Variants in ITGA9 observed in about 807,000 individuals in gnomAD.
ITGA9 encodes the protein integrin subunit alpha 9, also known as integrin alpha-9.
A neutral mutation model predicts 127.8 loss-of-function variants in ITGA9; 56 were observed. That is an observed-to-expected ratio of 0.44 (90% CI 0.35 to 0.55). ITGA9 has a LOEUF of 0.55. Among genes scored for constraint, ITGA9 ranks in the 20% least tolerant of loss-of-function variants. The pLI, the probability that ITGA9 is intolerant of heterozygous loss-of-function variation, is 0.00. For missense variants in ITGA9, 1,196 were observed against 1,347.1 expected, an observed-to-expected ratio of 0.89 and a Z score of 1.76; for synonymous variants, 508 against 514.5, an observed-to-expected ratio of 0.99 and a Z score of 0.17.
At chr3:37,747,526 C>T (rs1392196207) in intron 22 of ITGA9, among the ~76,000 whole-genome samples, 1 of 139,168 alleles carries the variant, frequency 7.2e-6, no homozygotes, top group East Asian at 2.1e-4. Context: ...ATCCCCACCA[C>T]CCCCCGCCAC....
intron 16 of ITGA9, among the ~76,000 whole-genome samples, chr3:37,634,663 G>T (rs1700260799): frequency 6.6e-6 from 1 of 152,134 alleles, no homozygotes; most frequent in Admixed American, 6.6e-5. Flanking sequence ...GGGAATTTCA[G>T]TACCCCACTT....
At chr3:37,734,964 C>G (rs958923330) in intron 19 of ITGA9, among the ~76,000 whole-genome samples, 2 of 152,174 alleles carry the variant, frequency 1.3e-5, no homozygotes, top group Admixed American at 1.3e-4. Context: ...TGGAGAAAGC[C>G]CAACAAGTCA....
chr3:37,709,419 G>A (rs1431201392), intron 18 of ITGA9, among the ~76,000 whole-genome samples: 1 of 152,190 alleles, frequency 6.6e-6, no homozygotes, highest in African/African-American at 2.4e-5. Flanking sequence ...GGCCAACCCT[G>A]AACCTTGGAA....
chr3:37,746,172 GT>G (rs1368545226), intron 22 of ITGA9, among the ~76,000 whole-genome samples: 1 of 152,302 alleles, frequency 6.6e-6, no homozygotes, highest in East Asian at 1.9e-4. Context: ...CGGAGAAAAT[GT>G]TTCTATATTT....
Position 37,596,728 on chromosome 3 carries a change from G to A in ITGA9, c.1690-32459G>A, listed in dbSNP as rs561913235. 2.2e-4 allele frequency among the ~76,000 whole-genome samples: 33 copies of A among 152,286 alleles called. No homozygotes were observed. In the South Asian group the frequency reaches 5.2e-3, roughly 24 times the overall value. On this transcript the variant is annotated intron_variant, in intron 15 of 27. Transcript: ENST00000264741. ...AAAACACAAGGGGTCTGGGGCCAGC[G>A]GAGGAGACCTTGTTCCCTCTTGGGA...
Position 37,750,557 on chromosome 3 carries a change from C to T in ITGA9, c.2529C>T (p.Val843=). Residue 843 remains valine (V), a synonymous_variant, in exon 23 of 28, where the codon GTC becomes GTT. Transcript: ENST00000264741. Reference sequence around the variant, plus strand: ...CTGGTGGTGCAGAGATGTTTCATGTCCAGGAAATGGTGGTGAGTTCTCCAT... The same window carrying T: ...CTGGTGGTGCAGAGATGTTTCATGTTCAGGAAATGGTGGTGAGTTCTCCAT... ...LSSGGAEMFH[V]QEMVVGQEKG... 6.2e-7 allele frequency: 1 copy of T among 1,607,082 alleles called. No individual in the cohort carries two copies. Among genetic ancestry groups the T allele is most frequent in the South Asian group, 1.1e-5 (1 of 90,924 alleles).
intron 22 of ITGA9, among the ~76,000 whole-genome samples, chr3:37,746,228 C>T (rs1427355968): frequency 2.0e-5 from 3 of 152,168 alleles, no homozygotes; most frequent in African/African-American, 7.2e-5. Flanking sequence ...ATAAGACTTT[C>T]CATATGAACA....
chr3:37,471,789 C>T (rs1283248691), intron 2 of ITGA9, among the ~76,000 whole-genome samples: 2 of 152,196 alleles, frequency 1.3e-5, no homozygotes, highest in Non-Finnish European at 2.9e-5. Flanking sequence ...CATGGTGGCT[C>T]ATGACTGTAA....
At chr3:37,673,048 A>G (rs1700652092) in intron 17 of ITGA9, among the ~76,000 whole-genome samples, 1 of 152,190 alleles carries the variant, frequency 6.6e-6, no homozygotes. Flanking sequence ...TTCATATTCT[A>G]AATAATTCCA....
At chr3:37,552,420 C>G (rs1699386972) in intron 15 of ITGA9, among the ~76,000 whole-genome samples, 1 of 151,844 alleles carries the variant, frequency 6.6e-6, no homozygotes, top group African/African-American at 2.4e-5. Context: ...TTATTCATGC[C>G]TATATTGTTA....
chr3:37,544,874 T>C (rs772829808), intron 15 of ITGA9, among the ~76,000 whole-genome samples: 1 of 152,224 alleles, frequency 6.6e-6, no homozygotes, highest in Non-Finnish European at 1.5e-5. Flanking sequence ...TGGCTGATAC[T>C]TTATAGCCAT....
chr3:37,482,145 A>G (rs391224), intron 4 of ITGA9, among the ~76,000 whole-genome samples: 98,318 of 152,056 alleles, frequency 0.65, 31,905 homozygotes, highest in Middle Eastern at 0.73. Context: ...TCATAAAGCA[A>G]CAGCTGGACA....
chr3:37,498,728 C>T (rs1368669779), intron 5 of ITGA9, among the ~76,000 whole-genome samples: 6 of 152,166 alleles, frequency 3.9e-5, no homozygotes. Flanking sequence ...GCCACTCTGT[C>T]CTCTGACCCC....
At chr3:37,818,822 T>G (rs1697474285) in intron 27 of ITGA9, 69 bp from the exon 28 acceptor site, 1 of 1,176,654 alleles carries the variant, frequency 8.5e-7, no homozygotes, top group Middle Eastern at 2.6e-4. Flanking sequence ...AGGGACAGAC[T>G]GCCTTGGGGT....
intron 27 of ITGA9, among the ~76,000 whole-genome samples, chr3:37,817,988 G>C (rs1575253292): frequency 6.6e-6 from 1 of 152,178 alleles, no homozygotes; most frequent in East Asian, 1.9e-4. Context: ...CAGCAAGGTA[G>C]AATGCAGACC....
chr3:37,811,157 C>G (rs1302670934), intron 27 of ITGA9, among the ~76,000 whole-genome samples: 1 of 152,150 alleles, frequency 6.6e-6, no homozygotes, highest in Admixed American at 6.5e-5. Flanking sequence ...ACACTGGGAG[C>G]CATAATTTAA....
chr3:37,649,811 A>G (rs1392709464), intron 16 of ITGA9, among the ~76,000 whole-genome samples: 1 of 152,256 alleles, frequency 6.6e-6, no homozygotes, highest in Non-Finnish European at 1.5e-5. Flanking sequence ...TAGATCACAT[A>G]TTAGGTCACA....
intron 15 of ITGA9, among the ~76,000 whole-genome samples, chr3:37,621,175 T>G (rs192126664): frequency 6.5e-4 from 99 of 152,270 alleles, no homozygotes; most frequent in Non-Finnish European, 1.1e-3. Context: ...TGGCTCTCAT[T>G]CTCTCTTGTC....
chr3:37,820,743 A>G lies in ITGA9; in HGVS notation c.*1754A>G, dbSNP rs1697503629. 6.6e-6 allele frequency: 1 copy of G among 152,238 alleles called. No individual in the cohort carries two copies. The highest frequency in any genetic ancestry group is 6.5e-5 in the Admixed American group (1 of 15,282). 9.4% of individuals were successfully genotyped at this position (152,238 alleles called of 1,614,324 possible). A position where few individuals can be genotyped will look rare whatever the true frequency, so the allele number is the denominator to read the frequency against. Reference sequence around the variant, plus strand: ...AAACATGGGGCTAAGAGCAGGGTCTAACGGAGTCTTAATGGCTTATTACAG... The same window carrying G: ...AAACATGGGGCTAAGAGCAGGGTCTGACGGAGTCTTAATGGCTTATTACAG... On this transcript the variant is annotated 3_prime_UTR_variant, in exon 28 of 28. Transcript: ENST00000264741.
Sources: allele counts gnomAD v4.1 joint callset (sites outside exome capture counted in the v4.1 genomes callset), GRCh38; gene constraint gnomAD v4.1.1; transcripts MANE v1.5; gene names NCBI Gene and HGNC (gene_info 2026-07-23, HGNC 2026-07-21).